PDE10A: variants seen among roughly 807,000 people sequenced by gnomAD.
The protein encoded by PDE10A is phosphodiesterase 10A, also known as cAMP and cAMP-inhibited cGMP 3',5'-cyclic phosphodiesterase 10A.
PDE10A carries 39 observed loss-of-function variants against 97.7 expected under a neutral mutation model. That is an observed-to-expected ratio of 0.40 (90% CI 0.31 to 0.52). The LOEUF is 0.52. Ranked by LOEUF, PDE10A falls within the 20% of genes least tolerant of loss-of-function variation. PDE10A has a pLI of 0.56. For missense variants in PDE10A, 731 were observed against 1,047.8 expected (o/e 0.70, Z 4.17); for synonymous variants, 371 against 376.8 (o/e 0.98, Z 0.18).
intron 2 of PDE10A, among the ~76,000 whole-genome samples, chr6:165,527,597 A>G (rs554425514): frequency 4.9e-4 from 75 of 152,316 alleles, no homozygotes; most frequent in Non-Finnish European, 9.6e-4. Context: ...ATGGGTCATC[A>G]AGTCATCATG....
intron 4 of PDE10A, among the ~76,000 whole-genome samples, chr6:165,449,361 A>G (rs999567312): frequency 6.6e-6 from 1 of 152,226 alleles, no homozygotes. Flanking sequence ...CAAAGTAAGT[A>G]TCAACCCAAA....
intron 1 of PDE10A, among the ~76,000 whole-genome samples, chr6:165,876,178 G>T (rs1781340809): frequency 1.3e-5 from 2 of 152,196 alleles, no homozygotes; most frequent in African/African-American, 4.8e-5. Flanking sequence ...CAACAGCCTG[G>T]GTTTCCTGAG....
At chr6:165,900,213 C>T (rs772377091) in intron 1 of PDE10A, among the ~76,000 whole-genome samples, 15 of 152,090 alleles carry the variant, frequency 9.9e-5, no homozygotes, top group South Asian at 8.3e-4. Flanking sequence ...GGCTCACACC[C>T]GTAATCCCAG....
At chr6:165,877,663 T>C (rs773051571) in intron 1 of PDE10A, among the ~76,000 whole-genome samples, 7 of 152,212 alleles carry the variant, frequency 4.6e-5, no homozygotes, top group Non-Finnish European at 1.0e-4. Context: ...AATAATGGGA[T>C]ACTTAAAAAA....
At chr6:165,648,055 C>T (rs1321683614) in intron 1 of PDE10A, among the ~76,000 whole-genome samples, 1 of 152,138 alleles carries the variant, frequency 6.6e-6, no homozygotes, top group Non-Finnish European at 1.5e-5. Context: ...GCTCTGTCGC[C>T]CAGGCTGGAG....
intron 1 of PDE10A, among the ~76,000 whole-genome samples, chr6:165,763,662 C>T (rs1793305393): frequency 1.3e-5 from 2 of 152,200 alleles, no homozygotes; most frequent in African/African-American, 2.4e-5. Flanking sequence ...CTTGTCCTTT[C>T]ATATGTTTCC....
intron 1 of PDE10A, among the ~76,000 whole-genome samples, chr6:165,798,537 C>G (rs770655867): frequency 6.6e-6 from 1 of 152,118 alleles, no homozygotes; most frequent in African/African-American, 2.4e-5. Context: ...TTTAAAATAG[C>G]ATTTAACTCC....
chr6:165,395,311 A>G (rs1307174477), intron 14 of PDE10A, 47 bp from the exon 15 acceptor site: 1 of 1,257,878 alleles, frequency 7.9e-7, no homozygotes, highest in South Asian at 1.2e-5. Flanking sequence ...ATTAGAATAA[A>G]CACAGTAAGT....
Position 165,418,518 on chromosome 6 carries a change from T to A in PDE10A, c.1796+117A>T. On this transcript the variant is annotated intron_variant, in intron 11 of 21. Transcript: ENST00000539869. The surrounding 1 kb of genome is among the most constrained non-coding windows in gnomAD (Gnocchi z 4.8). ...TTCAGGAGGCGGGTCCTGGTGGGAA[T>A]GATATCACAGTATGACAAGTATTGT... is the stretch of plus-strand genomic sequence containing the variant. The A allele has an allele frequency of 1.1e-6, 1 of 938,766 alleles. No individual in the cohort carries two copies. The highest frequency in any genetic ancestry group is 1.6e-6 in the Non-Finnish European group (1 of 622,336). 58.2% of individuals were successfully genotyped at this position (938,766 alleles called of 1,614,324 possible).
In PDE10A at chr6:165,327,482, A is replaced by G. The variant is rs1337762340; in HGVS notation, c.*5543T>C. On this transcript the variant is annotated 3_prime_UTR_variant, in exon 22 of 22. Transcript: ENST00000539869. Reference sequence around the variant, plus strand: ...TGCAATATAACACTCATATATGCATATATACTGGCTGTTTGAATTATGAAT... The same window carrying G: ...TGCAATATAACACTCATATATGCATGTATACTGGCTGTTTGAATTATGAAT... 1 of 152,226 alleles carries G rather than the reference A, an allele frequency of 6.6e-6. No individual in the cohort carries two copies. The highest frequency in any genetic ancestry group is 1.5e-5 in the Non-Finnish European group (1 of 68,032). 9.4% of individuals were successfully genotyped at this position (152,226 alleles called of 1,614,324 possible).
At chr6:165,608,095 C>CATGTATATATATATATGT (rs1491517857) in intron 1 of PDE10A, among the ~76,000 whole-genome samples, 1 of 147,074 alleles carries the variant, frequency 6.8e-6, no homozygotes, top group Non-Finnish European at 1.5e-5. Context: ...TATATATGTG[C>CATGTATATATATATATGT]ATATATATAC....
intron 1 of PDE10A, among the ~76,000 whole-genome samples, chr6:165,626,357 C>T (rs890254596): frequency 6.6e-6 from 1 of 152,118 alleles, no homozygotes; most frequent in African/African-American, 2.4e-5. Context: ...AACATTAACA[C>T]CTCCACTGTA....
chr6:165,339,269 A>G lies in PDE10A; in HGVS notation c.2976+9T>C. ...TTTAGCAATTACAATTTACTTTAAT[A>G]ATTCATACCTGGCCTTGGGGGACTT... On this transcript the variant is annotated intron_variant, in intron 20 of 21. Transcript: ENST00000539869. 1 of 1,523,264 alleles carries G rather than the reference A, an allele frequency of 6.6e-7. No homozygotes were observed. Among genetic ancestry groups the G allele is most frequent in the Non-Finnish European group, 9.1e-7 (1 of 1,097,856 alleles). The allele number at this position is 1,523,264 out of a possible 1,614,324, so 94.4% of individuals were successfully genotyped here. A position where few individuals can be genotyped will look rare whatever the true frequency, so the allele number is the denominator to read the frequency against.
At chr6:165,559,946 C>A (rs754525908) in intron 1 of PDE10A, among the ~76,000 whole-genome samples, 1 of 152,154 alleles carries the variant, frequency 6.6e-6, no homozygotes, top group Non-Finnish European at 1.5e-5. Flanking sequence ...ACTGTGAGTC[C>A]ATTAAGCCTC....
intron 2 of PDE10A, among the ~76,000 whole-genome samples, chr6:165,492,443 T>C (rs1780280899): frequency 2.6e-5 from 4 of 152,026 alleles, no homozygotes; most frequent in East Asian, 1.9e-4. Context: ...CTGGTGAACA[T>C]AGATGCAAAA....
intron 1 of PDE10A, among the ~76,000 whole-genome samples, chr6:165,682,068 A>G (rs983891818): frequency 1.3e-5 from 2 of 152,230 alleles, no homozygotes; most frequent in Non-Finnish European, 2.9e-5. Context: ...CCACCAATCT[A>G]TAAAAGTAGC....
intron 1 of PDE10A, among the ~76,000 whole-genome samples, chr6:165,823,511 TA>T (rs1779636551): frequency 5.1e-5 from 5 of 97,322 alleles, no homozygotes; most frequent in South Asian, 3.1e-4. Flanking sequence ...TATATATATA[TA>T]TATATATATA....
chr6:165,943,115 G>A (rs300108), intron 1 of PDE10A, among the ~76,000 whole-genome samples: 27,775 of 127,280 alleles, frequency 0.22, 4,467 homozygotes, highest in African/African-American at 0.34. Context: ...AAGGGAAATC[G>A]TGCGGTGGGG....
intron 18 of PDE10A, among the ~76,000 whole-genome samples, chr6:165,376,382 C>T (rs554645084): frequency 4.5e-4 from 68 of 152,326 alleles, no homozygotes; most frequent in African/African-American, 1.5e-3. Context: ...CTTGAGATGA[C>T]ATCTACTTCT....
Sources: gnomAD v4.1 joint callset for allele counts (sites outside exome capture counted in the v4.1 genomes callset) on GRCh38, gnomAD v4.1.1 for gene constraint, Gnocchi (gnomAD v3.1) non-coding constraint, MANE v1.5 for transcripts, NCBI Gene and HGNC (gene_info 2026-07-23, HGNC 2026-07-21) for gene names.